The following PPP6R2 variants were observed in gnomAD, a reference collection of about 807,000 sequenced individuals.
The protein encoded by PPP6R2 is serine/threonine-protein phosphatase 6 regulatory subunit 2.
PPP6R2 carries 62 observed loss-of-function variants against 100.2 expected under a neutral mutation model. That is an observed-to-expected ratio of 0.62 (90% CI 0.50 to 0.76). The LOEUF is 0.76. Ranked by LOEUF, PPP6R2 falls within the 30% of genes least tolerant of loss-of-function variation. The pLI is 0.00. For missense variants in PPP6R2, 1,142 were observed against 1,276.3 expected (o/e 0.89, Z 1.60); for synonymous variants, 525 against 514.7 (o/e 1.02, Z -0.27).
intron 1 of PPP6R2, among the ~76,000 whole-genome samples, chr22:50,365,149 G>A (rs995632196): frequency 4.1e-5 from 6 of 146,220 alleles, no homozygotes; most frequent in African/African-American, 7.6e-5. Flanking sequence ...TCGGCTCACC[G>A]CAACCTCCAC....
chr22:50,404,625 C>T (rs536019781), intron 3 of PPP6R2, among the ~76,000 whole-genome samples: 25 of 130,584 alleles, frequency 1.9e-4, no homozygotes, highest in African/African-American at 6.8e-4. Context: ...TTTGGAGAGA[C>T]GGAGTTTCAC....
intron 2 of PPP6R2, among the ~76,000 whole-genome samples, chr22:50,389,523 T>C (rs535269825): frequency 6.6e-6 from 1 of 152,162 alleles, no homozygotes; most frequent in East Asian, 1.9e-4. Context: ...TGCAGTGAAC[T>C]CTTAAAGGAT....
At chr22:50,368,005 C>T (rs776704411) in intron 1 of PPP6R2, among the ~76,000 whole-genome samples, 9 of 152,138 alleles carry the variant, frequency 5.9e-5, no homozygotes, top group South Asian at 2.1e-4. Flanking sequence ...GACAGGGGGC[C>T]GGCCCTTCCC....
the PPP6R2 span, among the ~76,000 whole-genome samples, chr22:50,337,521 CGT>C: frequency 1.5e-4 from 11 of 70,986 alleles, no homozygotes; most frequent in African/African-American, 5.3e-4. Flanking sequence ...GGGGTGTGTG[CGT>C]GTGTGTATAG....
intron 2 of PPP6R2, among the ~76,000 whole-genome samples, chr22:50,383,903 G>T (rs1485571061): frequency 6.6e-6 from 1 of 152,052 alleles, no homozygotes; most frequent in Non-Finnish European, 1.5e-5. Flanking sequence ...AGGCATGATG[G>T]TGGATGCCTG....
At chr22:50,422,535 C>T (rs1367850180) in intron 9 of PPP6R2, among the ~76,000 whole-genome samples, 155 bp downstream of exon 9, 6 of 152,140 alleles carry the variant, frequency 3.9e-5, no homozygotes, top group South Asian at 4.1e-4. Context: ...TGAGAAGCAC[C>T]GGGCAGGTGC....
intron 2 of PPP6R2, among the ~76,000 whole-genome samples, chr22:50,385,250 C>T (rs749875545): frequency 4.6e-5 from 7 of 152,142 alleles, no homozygotes; most frequent in Non-Finnish European, 7.3e-5. Context: ...GGCTGGAGTG[C>T]AATGGTGCGA....
At chr22:50,410,907 T>C (rs1603288202) in intron 4 of PPP6R2, among the ~76,000 whole-genome samples, 2 of 152,128 alleles carry the variant, frequency 1.3e-5, no homozygotes, top group African/African-American at 4.8e-5. Context: ...TTCTCCTGCC[T>C]CAGCCTCCCG....
intron 2 of PPP6R2, among the ~76,000 whole-genome samples, chr22:50,382,914 TGCAAC>T (rs1476042475): frequency 8.6e-5 from 13 of 151,578 alleles, no homozygotes; most frequent in African/African-American, 1.2e-4. Flanking sequence ...CTCAGCTCAC[TGCAAC>T]CTCTGCCTCC....
chr22:50,377,051 T>G (rs1489515658), intron 2 of PPP6R2, among the ~76,000 whole-genome samples: 1 of 151,916 alleles, frequency 6.6e-6, no homozygotes, highest in Non-Finnish European at 1.5e-5. Flanking sequence ...TAAAAAGAAA[T>G]AAATATTTAA....
chr22:50,420,246 G>A (rs1351468588), intron 8 of PPP6R2, among the ~76,000 whole-genome samples: 3 of 152,188 alleles, frequency 2.0e-5, no homozygotes, highest in Non-Finnish European at 4.4e-5. Flanking sequence ...CTGAGAGGCC[G>A]CATCTGGTCA....
chr22:50,347,260 A>C (rs947077639), intron 1 of PPP6R2, among the ~76,000 whole-genome samples: 37 of 151,222 alleles, frequency 2.4e-4, no homozygotes, highest in African/African-American at 8.8e-4. Flanking sequence ...TAGTGACCCC[A>C]CCTGTCAGTG....
In PPP6R2 at chr22:50,380,771, C is replaced by T. The variant is rs1004239126; in HGVS notation, c.-17+8621C>T. Among the ~76,000 whole-genome samples the T allele has an allele frequency of 1.7e-4, 26 of 150,754 alleles. No individual in the cohort carries two copies. The South Asian group carries it at 2.5e-3, about 15-fold the overall frequency. ...TTGGGAGGCCGAGGCGGGTGGATCA[C>T]GAGGTCAGGAGATCGAGACCATCCT... is the stretch of plus-strand genomic sequence containing the variant. On this transcript the variant is annotated intron_variant, in intron 2 of 23. Transcript: ENST00000612753.
At chr22:50,396,788 TAGGTA>T (rs530865198) in intron 3 of PPP6R2, among the ~76,000 whole-genome samples, 2 of 152,192 alleles carry the variant, frequency 1.3e-5, no homozygotes, top group East Asian at 3.9e-4. Flanking sequence ...GGCGTCCTCT[TAGGTA>T]AGGGGAGCAG....
chr22:50,426,428 C>T (rs1016658985), intron 10 of PPP6R2, among the ~76,000 whole-genome samples: 1 of 152,132 alleles, frequency 6.6e-6, no homozygotes, highest in Non-Finnish European at 1.5e-5. Flanking sequence ...TGTTTTCTCT[C>T]TTATGTTTAG....
In PPP6R2 at chr22:50,440,871, C is replaced by A. The variant is rs2065423630; in HGVS notation, c.2424C>A (p.Ala808=). ...GGAACGTGTGTGTCACCAGGAAGGC[C>A]CCCCTGCTGGCCTCTGACAGTAGCT... ...CAWNVCVTRK[A]PLLASDSSSS... The change falls in exon 22 of 24, where the codon GCC becomes GCA. Residue 808 remains alanine (A), a synonymous_variant. Coordinates refer to ENST00000612753, the MANE Select transcript of PPP6R2 (RefSeq NM_001242898.2). 2 of 1,613,774 alleles carry A rather than the reference C, an allele frequency of 1.2e-6. No homozygotes were observed. Among genetic ancestry groups the A allele is most frequent in the African/African-American group, 2.7e-5 (2 of 74,946 alleles).
chr22:50,431,049 A>T lies in PPP6R2; in HGVS notation c.1126-124A>T. On this transcript the variant is annotated intron_variant, in intron 10 of 23. Coordinates refer to ENST00000612753, the MANE Select transcript of PPP6R2 (RefSeq NM_001242898.2). This position sits in a 1 kb window ranked among gnomAD's most constrained non-coding sequence, Gnocchi z 4.8. ...AAACGCTTAAAACTCCTTCCTAGCT[A>T]CCCAGAGACTGGACTTGTGAGGAGT... 1 of 754,678 alleles carries T rather than the reference A, an allele frequency of 1.3e-6. No individual in the cohort carries two copies. Among genetic ancestry groups the T allele is most frequent in the Non-Finnish European group, 2.2e-6 (1 of 450,902 alleles). The allele number at this position is 754,678 out of a possible 1,614,324, so 46.7% of individuals were successfully genotyped here.
chr22:50,365,969 T>C (rs931148522), intron 1 of PPP6R2, among the ~76,000 whole-genome samples: 4 of 152,278 alleles, frequency 2.6e-5, no homozygotes, highest in African/African-American at 7.2e-5. Context: ...ATGATTTTTC[T>C]TTTCCTGCTC....
At position 50,406,745 on chromosome 22, in the gene PPP6R2, G is replaced by A. The variant is rs772455624; in HGVS notation, c.284G>A (p.Arg95His). The change falls in exon 4 of 24, where the codon CGC (arginine) becomes CAC (histidine). Residue 95 changes from arginine (R) to histidine (H), a missense_variant. Arg to His is a conservative substitution (Grantham distance 29). Coordinates refer to ENST00000612753, the MANE Select transcript of PPP6R2 (RefSeq NM_001242898.2). Reference sequence around the variant, plus strand: ...TGTGATGTGCCGCAGATCAGCGACCGCCTCGGTGGGGACGAGAGCCTGCTG... The same window carrying A: ...TGTGATGTGCCGCAGATCAGCGACCACCTCGGTGGGGACGAGAGCCTGCTG... ...LTCDVPQISD[R>H]LGGDESLLSL... 1.8e-5 allele frequency: 29 copies of A among 1,613,912 alleles called. No homozygotes were observed. The highest frequency in any genetic ancestry group is 3.3e-5 in the Admixed American group (2 of 59,996).
Sources: gnomAD v4.1 joint callset for allele counts (sites outside exome capture counted in the v4.1 genomes callset) on GRCh38, gnomAD v4.1.1 for gene constraint, Gnocchi (gnomAD v3.1) non-coding constraint, MANE v1.5 for transcripts, NCBI Gene and HGNC (gene_info 2026-07-23, HGNC 2026-07-21) for gene names.